The following ALOX5AP variants were observed in gnomAD, a reference collection of about 807,000 sequenced individuals.
The protein encoded by ALOX5AP is arachidonate 5-lipoxygenase-activating protein.
A neutral mutation model predicts 18.5 loss-of-function variants in ALOX5AP; 9 were observed. The ratio of observed to expected loss-of-function variants is 0.49; its 90% CI spans 0.29 to 0.85. The LOEUF is 0.85. Ranked by LOEUF, ALOX5AP falls within the 40% of genes least tolerant of loss-of-function variation. ALOX5AP has a pLI of 0.08. For missense variants in ALOX5AP, 172 were observed against 202.5 expected (o/e 0.85, Z 0.91); for synonymous variants, 81 against 78.6 (o/e 1.03, Z -0.16).
At chr13:30,761,256 G>A (rs905843398) in intron 4 of ALOX5AP, among the ~76,000 whole-genome samples, 3 of 152,204 alleles carry the variant, frequency 2.0e-5, no homozygotes, top group Non-Finnish European at 4.4e-5. Flanking sequence ...CCTATGCTGC[G>A]AGGGCCACAT....
chr13:30,746,839 G>A (rs1951813252), intron 2 of ALOX5AP, among the ~76,000 whole-genome samples: 1 of 152,218 alleles, frequency 6.6e-6, no homozygotes, highest in Non-Finnish European at 1.5e-5. Context: ...AAGGTTGCAT[G>A]CTCAAAATTT....
At chr13:30,747,798 C>T (rs1295110740) in intron 2 of ALOX5AP, among the ~76,000 whole-genome samples, 1 of 152,164 alleles carries the variant, frequency 6.6e-6, no homozygotes, top group African/African-American at 2.4e-5. Flanking sequence ...ACTACAGACA[C>T]CCCTACCGCC....
chr13:30,747,818 C>T (rs1317759162), intron 2 of ALOX5AP, among the ~76,000 whole-genome samples: 11 of 152,160 alleles, frequency 7.2e-5, no homozygotes. Flanking sequence ...CCACTTTTTG[C>T]AGAGTGTATC....
chr13:30,730,421 T>C (rs4238136), intron 1 of ALOX5AP, among the ~76,000 whole-genome samples: 145,549 of 152,266 alleles, frequency 0.96, 69,915 homozygotes, highest in Middle Eastern at 1. Flanking sequence ...TATCACTTAC[T>C]ATTCAGCTCA....
intron 2 of ALOX5AP, among the ~76,000 whole-genome samples, chr13:30,745,835 A>G (rs955913576): frequency 3.3e-5 from 5 of 152,270 alleles, no homozygotes; most frequent in African/African-American, 9.6e-5. Flanking sequence ...GACGAAATCC[A>G]AAGAAAGCAT....
intron 1 of ALOX5AP, among the ~76,000 whole-genome samples, chr13:30,736,371 A>AAG (rs1951722166): frequency 6.6e-6 from 1 of 152,190 alleles, no homozygotes; most frequent in Non-Finnish European, 1.5e-5. Flanking sequence ...AACAACAAAA[A>AAG]ACAAGCAGGA....
intron 1 of ALOX5AP, among the ~76,000 whole-genome samples, chr13:30,729,684 C>T (rs562751038): frequency 1.3e-5 from 2 of 150,408 alleles, no homozygotes; most frequent in Non-Finnish European, 3.0e-5. Context: ...TCAAGTGATT[C>T]TCCTGCCTCA....
upstream of ALOX5AP, among the ~76,000 whole-genome samples, chr13:30,731,454 G>A (rs950476855): frequency 6.6e-6 from 1 of 151,006 alleles, no homozygotes; most frequent in African/African-American, 2.4e-5. Flanking sequence ...GCTCACTGAA[G>A]CCTCCATCTC....
chr13:30,719,865 A>AT lies in ALOX5AP; in HGVS notation c.116+6035dup, dbSNP rs1243927020. Among the ~76,000 whole-genome samples the AT allele has an allele frequency of 1.9e-3, 277 of 148,746 alleles. 2 individuals carry two copies. Among genetic ancestry groups the AT allele is most frequent in the African/African-American group, 5.5e-3 (222 of 40,584 alleles). On this transcript the variant is annotated intron_variant, in intron 1 of 5. Transcript: ENST00000617770. Reference sequence around the variant, plus strand: ...TCCCTTTTTTTTTTCCCAGAGGATAATTTTTTTTTTTCTTTGAGATGGAGT... The same window carrying AT: ...TCCCTTTTTTTTTTCCCAGAGGATAATTTTTTTTTTTTCTTTGAGATGGAGT...
intron 1 of ALOX5AP, among the ~76,000 whole-genome samples, chr13:30,742,859 G>GCCCCCCCCCCCCCCCCCCCCCCC (rs11316477): frequency 1.9e-5 from 2 of 106,038 alleles, no homozygotes; most frequent in Admixed American, 1.1e-4. Flanking sequence ...GACCTTCACC[G>GCCCCCCCCCCCCCCCCCCCCCCC]CCCCCCCCCC....
chr13:30,724,213 GTCT>G (rs1467604715), intron 1 of ALOX5AP, among the ~76,000 whole-genome samples: 5 of 152,190 alleles, frequency 3.3e-5, no homozygotes, highest in African/African-American at 7.2e-5. Flanking sequence ...TTTTGTGTCT[GTCT>G]TCTTCTGCTC....
At chr13:30,752,471 G>C (rs1237353744) in intron 3 of ALOX5AP, among the ~76,000 whole-genome samples, 1 of 152,222 alleles carries the variant, frequency 6.6e-6, no homozygotes, top group East Asian at 1.9e-4. Context: ...TGGGACCGCT[G>C]TCACTTGGCT....
chr13:30,716,972 C>T (rs534250773), intron 1 of ALOX5AP, among the ~76,000 whole-genome samples: 4 of 152,348 alleles, frequency 2.6e-5, no homozygotes, highest in African/African-American at 9.6e-5. Context: ...TGACAACACA[C>T]AGGGAGTGTT....
chr13:30,749,737 G>T (rs1274099667), intron 2 of ALOX5AP, among the ~76,000 whole-genome samples: 3 of 152,160 alleles, frequency 2.0e-5, no homozygotes, highest in Non-Finnish European at 4.4e-5. Flanking sequence ...TCCTGTTCCT[G>T]GTTTTTGGTT....
chr13:30,746,054 G>A (rs965684976), intron 2 of ALOX5AP, among the ~76,000 whole-genome samples: 2 of 152,316 alleles, frequency 1.3e-5, no homozygotes, highest in Non-Finnish European at 2.9e-5. Context: ...TTTCTGCCAC[G>A]TGCCCCCGGG....
intron 3 of ALOX5AP, among the ~76,000 whole-genome samples, 170 bp from the exon 4 acceptor site, chr13:30,755,774 C>T (rs1476564466): frequency 1.3e-5 from 2 of 152,204 alleles, no homozygotes; most frequent in African/African-American, 2.4e-5. Flanking sequence ...GGCATAAGGT[C>T]GTTACCAGTA....
chr13:30,725,479 A>G (rs4514525), intron 1 of ALOX5AP, among the ~76,000 whole-genome samples: 151,964 of 152,372 alleles, frequency 1, 75,782 homozygotes, highest in Middle Eastern at 1. Context: ...CAGCAACATG[A>G]ATTTCCACTC....
intron 1 of ALOX5AP, among the ~76,000 whole-genome samples, chr13:30,728,463 A>G (rs1951655623): frequency 6.6e-6 from 1 of 152,126 alleles, no homozygotes. Context: ...GTCTGTGTAT[A>G]TATATTTAAA....
chr13:30,713,611 C>T, exon 1 of ALOX5AP: 3 of 741,984 alleles, frequency 4.0e-6, no homozygotes, highest in Non-Finnish European at 6.8e-6. Context: ...CCTCACACCT[C>T]CTCTCATCTC....
Sources: allele counts gnomAD v4.1 joint callset (sites outside exome capture counted in the v4.1 genomes callset), GRCh38; gene constraint gnomAD v4.1.1; transcripts MANE v1.5; gene names NCBI Gene and HGNC (gene_info 2026-07-23, HGNC 2026-07-21).